Variants in HECW1 observed in about 807,000 individuals in gnomAD.
HECW1 encodes E3 ubiquitin-protein ligase HECW1.
A neutral mutation model predicts 182.3 loss-of-function variants in HECW1; 61 were observed. The ratio of observed to expected loss-of-function variants is 0.33; its 90% confidence interval spans 0.27 to 0.41. HECW1 has a LOEUF of 0.41. Ranked by LOEUF, HECW1 falls within the 10% of genes least tolerant of loss-of-function variation. The pLI is 1.00. For synonymous variants in HECW1, 859 were observed against 832.6 expected, an observed-to-expected ratio of 1.03 and a Z score of -0.55; for missense variants, 1,739 against 2,108.9, an observed-to-expected ratio of 0.82 and a Z score of 3.44.
chr7:43,427,028 G>A (rs1463245099), intron 8 of HECW1, among the ~76,000 whole-genome samples: 1 of 151,794 alleles, frequency 6.6e-6, no homozygotes, highest in Non-Finnish European at 1.5e-5. Context: ...TAAATTATAA[G>A]TTTGAAAAAA....
intron 2 of HECW1, among the ~76,000 whole-genome samples, chr7:43,238,074 A>G (rs761668486): frequency 6.6e-6 from 1 of 152,300 alleles, no homozygotes; most frequent in African/African-American, 2.4e-5. Flanking sequence ...ACACCCTAGG[A>G]TTAGCTATTA....
Position 43,554,747 on chromosome 7 carries a change from C to T in HECW1, c.4666C>T (p.Arg1556Cys), listed in dbSNP as rs755187823. The change falls in exon 29 of 30, where the codon CGC becomes TGC. Residue 1556 changes from arginine (R) to cysteine (C), a missense_variant. Around this residue, in one of 5 missense-constraint regions of HECW1, gnomAD observed 420 missense variants for 595.7 expected, o/e 0.71. Coordinates refer to ENST00000395891, the MANE Select transcript of HECW1 (RefSeq NM_015052.5). ...AALRGSNGLR[R>C]FCIEKWGKIT... is the part of the protein sequence containing the mutation. ...CCTCCGTGGGAGCAATGGGCTTCGG[C>T]GCTTCTGCATAGAGAAATGGGGGAA... The T allele has an allele frequency of 5.6e-6, 9 of 1,613,910 alleles. No homozygotes were observed. Among genetic ancestry groups the T allele is most frequent in the African/African-American group, 1.3e-5 (1 of 74,910 alleles).
At chr7:43,223,724 G>T (rs886203717) in intron 2 of HECW1, among the ~76,000 whole-genome samples, 1 of 152,056 alleles carries the variant, frequency 6.6e-6, no homozygotes, top group African/African-American at 2.4e-5. Flanking sequence ...TGACTTACAA[G>T]GTGCCACCTA....
At chr7:43,420,262 G>A (rs975988091) in intron 8 of HECW1, among the ~76,000 whole-genome samples, 3 of 152,186 alleles carry the variant, frequency 2.0e-5, no homozygotes, top group African/African-American at 7.2e-5. Flanking sequence ...AGAAGGTGAG[G>A]AAAGTCTTTG....
At position 43,147,763 on chromosome 7, in the gene HECW1, C is replaced by A. The variant is rs185893071; in HGVS notation, c.-32+33372C>A. Among the ~76,000 whole-genome samples, 498 of 152,150 alleles carry A rather than the reference C, an allele frequency of 3.3e-3. 1 individual carries two copies. The highest frequency in any genetic ancestry group is 3.4e-3 in the Non-Finnish European group (233 of 68,000). ...GTGTGTATCAGGAGAGTTTCAGCTG[C>A]GAAGGGACTGGCCATTGGCCACAGT... is the stretch of plus-strand genomic sequence containing the variant. On this transcript the variant is annotated intron_variant, in intron 2 of 29. Transcript: ENST00000395891.
intron 5 of HECW1, among the ~76,000 whole-genome samples, chr7:43,338,790 A>G (rs1812602907): frequency 1.3e-5 from 2 of 151,850 alleles, no homozygotes; most frequent in Admixed American, 1.3e-4. Flanking sequence ...TCCTTCTCAC[A>G]CATCTGTGTT....
At chr7:43,428,950 T>A (rs181035304) in intron 8 of HECW1, among the ~76,000 whole-genome samples, 168 of 151,992 alleles carry the variant, frequency 1.1e-3, no homozygotes, top group African/African-American at 3.8e-3. Context: ...CATATATGTG[T>A]AATATATGTA....
At chr7:43,541,364 C>A in intron 25 of HECW1, 103 bp downstream of exon 25, 1 of 873,084 alleles carries the variant, frequency 1.1e-6, no homozygotes, top group Non-Finnish European at 1.9e-6. Context: ...TTTGCCCTAA[C>A]CATTCCTGTT....
At chr7:43,132,437 T>C (rs141321973) in intron 2 of HECW1, among the ~76,000 whole-genome samples, 9 of 152,270 alleles carry the variant, frequency 5.9e-5, no homozygotes, top group East Asian at 1.9e-4. Context: ...TAAATCTACA[T>C]TGGGGGTTGC....
At chr7:43,369,934 C>T (rs1418919099) in intron 6 of HECW1, among the ~76,000 whole-genome samples, 1 of 152,156 alleles carries the variant, frequency 6.6e-6, no homozygotes, top group East Asian at 1.9e-4. Flanking sequence ...AGAGCAAAAT[C>T]AACTAATTTA....
chr7:43,172,047 G>T (rs1232035973), intron 2 of HECW1, among the ~76,000 whole-genome samples: 5 of 151,818 alleles, frequency 3.3e-5, no homozygotes, highest in African/African-American at 4.8e-5. Flanking sequence ...GGAGGCTGAG[G>T]CGGGTGGATA....
chr7:43,442,440 G>A, intron 9 of HECW1, 89 bp from the exon 10 acceptor site: 1 of 885,462 alleles, frequency 1.1e-6, no homozygotes, highest in Non-Finnish European at 1.8e-6. Context: ...GGGCTTGCCT[G>A]CCTCACCCAC....
intron 2 of HECW1, among the ~76,000 whole-genome samples, chr7:43,201,809 G>C (rs372029720): frequency 2.6e-5 from 4 of 152,238 alleles, no homozygotes; most frequent in East Asian, 3.9e-4. Context: ...AAAAATATAT[G>C]CTTGAAGATT....
chr7:43,251,662 G>A (rs920432941), intron 3 of HECW1, among the ~76,000 whole-genome samples: 1 of 152,126 alleles, frequency 6.6e-6, no homozygotes, highest in Non-Finnish European at 1.5e-5. Context: ...GGTCTAAATA[G>A]CTAAGATGCT....
intron 5 of HECW1, among the ~76,000 whole-genome samples, chr7:43,355,091 G>T (rs1335020843): frequency 6.7e-6 from 1 of 149,128 alleles, no homozygotes; most frequent in Non-Finnish European, 1.5e-5. Context: ...TTCAAATACA[G>T]AAAAGAGATA....
In HECW1 at chr7:43,177,796, C is replaced by T. The variant is rs111422942; in HGVS notation, c.-32+63405C>T. Among the ~76,000 whole-genome samples, 1,460 of 152,314 alleles carry T rather than the reference C, an allele frequency of 9.6e-3. 28 individuals carry two copies. The highest frequency in any genetic ancestry group is 0.033 in the African/African-American group (1,389 of 41,580). ...TGGCACCCTTCCTCCCATCTCAATG[C>T]CTTCTCCCCTTCTCTACAAATCCCA... is the stretch of plus-strand genomic sequence containing the variant. On this transcript the variant is annotated intron_variant, in intron 2 of 29. Coordinates refer to ENST00000395891, the MANE Select transcript of HECW1 (RefSeq NM_015052.5).
At chr7:43,385,893 T>C (rs2074773939) in intron 6 of HECW1, among the ~76,000 whole-genome samples, 1 of 152,244 alleles carries the variant, frequency 6.6e-6, no homozygotes, top group African/African-American at 2.4e-5. Flanking sequence ...CTCTGCTCAG[T>C]CTATTGCAAG....
At chr7:43,164,271 A>T (rs140636862) in intron 2 of HECW1, among the ~76,000 whole-genome samples, 101 of 152,360 alleles carry the variant, frequency 6.6e-4, no homozygotes, top group Non-Finnish European at 1.1e-3. Context: ...GGCACTTAAT[A>T]GTTATTATTT....
intron 2 of HECW1, among the ~76,000 whole-genome samples, chr7:43,193,724 C>G (rs10264623): frequency 0.75 from 113,884 of 151,864 alleles, 43,084 homozygotes; most frequent in Non-Finnish European, 0.8. Flanking sequence ...CCTTTCCCTG[C>G]CACTGGCTGT....
Sources: allele counts gnomAD v4.1 joint callset (sites outside exome capture counted in the v4.1 genomes callset), GRCh38; gene constraint gnomAD v4.1.1; regional missense constraint gnomAD v4.1.1; transcripts MANE v1.5; gene names NCBI Gene and HGNC (gene_info 2026-07-23, HGNC 2026-07-21).